The following ZNF454 variants were observed in gnomAD, a reference collection of about 807,000 sequenced individuals.
ZNF454 encodes zinc finger protein 454.
Under a neutral mutation model 48.2 loss-of-function variants are expected in ZNF454, and 30 were observed. The observed-to-expected ratio is 0.62, with a 90% confidence interval of 0.47 to 0.84. The LOEUF is 0.84. Among genes scored for constraint, ZNF454 ranks in the 40% least tolerant of loss-of-function variants. ZNF454 has a pLI of 0.00. For synonymous variants in ZNF454, 204 were observed against 211.4 expected, an observed-to-expected ratio of 0.97 and a Z score of 0.30; for missense variants, 510 against 623.1, an observed-to-expected ratio of 0.82 and a Z score of 1.93.
chr5:178,986,655 G>A, the ZNF454 span: 108 of 1,602,518 alleles, frequency 6.7e-5, 1 homozygote, highest in Middle Eastern at 1.5e-3. Flanking sequence ...AGCAGGGGAC[G>A]CCCTTCACCA....
the ZNF454 span, among the ~76,000 whole-genome samples, chr5:178,985,007 T>C: frequency 6.6e-6 from 1 of 152,084 alleles, no homozygotes; most frequent in African/African-American, 2.4e-5. Context: ...AAGGCTGTAA[T>C]AACTTTACTG....
chr5:178,969,010 C>A, downstream of ZNF454: 1 of 384,122 alleles, frequency 2.6e-6, no homozygotes, highest in Middle Eastern at 9.1e-4. Flanking sequence ...CTCCGAGATG[C>A]CTGTTCACTC....
intron 4 of ZNF454, among the ~76,000 whole-genome samples, chr5:178,954,534 G>A (rs1759678079): frequency 6.6e-6 from 1 of 152,054 alleles, no homozygotes; most frequent in Admixed American, 6.5e-5. Flanking sequence ...CTTCTACTGA[G>A]ATTTTAAAAA....
the ZNF454 span, chr5:178,985,715 CAAA>C: frequency 2.6e-6 from 1 of 378,184 alleles, no homozygotes; most frequent in African/African-American, 2.3e-5. Context: ...AAAAAAAAAA[CAAA>C]ACAACACAGG....
At chr5:178,983,200 G>A in the ZNF454 span, 2 of 1,612,354 alleles carry the variant, frequency 1.2e-6, no homozygotes, top group Non-Finnish European at 1.7e-6. Flanking sequence ...CGGGCCCCCA[G>A]CCATGCTATC....
Position 178,958,068 on chromosome 5 carries a change from C to A in ZNF454, c.251-6587C>A, listed in dbSNP as rs867219270. Among the ~76,000 whole-genome samples, 6 of 152,018 alleles carry A rather than the reference C, an allele frequency of 3.9e-5. No individual in the cohort carries two copies. In the Middle Eastern group the frequency reaches 0.014, roughly 347 times the overall value. On this transcript the variant is annotated intron_variant, in intron 4 of 4. Coordinates refer to ENST00000519564, the MANE Select transcript of ZNF454 (RefSeq NM_001178089.3). ...TGGTGTTTTTATTATTTTTGAAAGC[C>A]GTCCCCTAGATTTTTTAAAGCAAAC...
chr5:178,976,349 C>T, the ZNF454 span, among the ~76,000 whole-genome samples: 3 of 152,136 alleles, frequency 2.0e-5, no homozygotes, highest in African/African-American at 4.8e-5. Flanking sequence ...GGGTGCAAGT[C>T]CTATGAGGGA....
the ZNF454 span, chr5:178,985,484 A>G: frequency 5.8e-6 from 2 of 342,798 alleles, no homozygotes; most frequent in Admixed American, 4.0e-5. Context: ...TGGGCGGATC[A>G]CGAGGTCAGG....
At chr5:178,971,464 G>A in the ZNF454 span, among the ~76,000 whole-genome samples, 737 of 152,208 alleles carry the variant, frequency 4.8e-3, 3 homozygotes, top group Middle Eastern at 0.01. Context: ...TGTTGCTTCT[G>A]GGGTGTGTGG....
chr5:178,989,058 T>C, the ZNF454 span: 1 of 1,614,010 alleles, frequency 6.2e-7, no homozygotes. Context: ...GCGTGGGCAA[T>C]GGCGTACACC....
At chr5:178,960,360 C>A (rs1017428336) in intron 4 of ZNF454, among the ~76,000 whole-genome samples, 1 of 151,582 alleles carries the variant, frequency 6.6e-6, no homozygotes, top group East Asian at 2.0e-4. Context: ...CCGGTTCAAG[C>A]GATTCTCCTG....
At position 178,946,944 on chromosome 5, in the gene ZNF454, G is replaced by A; in HGVS notation, c.208G>A (p.Glu70Lys). ...TACGTTTTCCCAGCTAGAAAAAAGG[G>A]AAGTGTGGATGCCAGAGGACACCCC... ...PDTFSQLEKREVWMPEDTPGG... is the reference protein window; with the variant it reads ...PDTFSQLEKRKVWMPEDTPGG... The change falls in exon 4 of 5, where the codon GAA (glutamate) becomes AAA (lysine). Residue 70 changes from glutamate (E) to lysine (K), a missense_variant. Transcript: ENST00000519564. The surrounding 1 kb of genome is among the most constrained non-coding windows in gnomAD (Gnocchi z 4.5). 6.2e-7 allele frequency: 1 copy of A among 1,614,092 alleles called. No homozygotes were observed. The highest frequency in any genetic ancestry group is 1.3e-5 in the African/African-American group (1 of 75,022).
At chr5:178,959,780 T>C (rs1198891784) in intron 4 of ZNF454, among the ~76,000 whole-genome samples, 1 of 151,570 alleles carries the variant, frequency 6.6e-6, no homozygotes, top group East Asian at 2.0e-4. Context: ...TAATTTTTTG[T>C]ATTTTTAGTA....
chr5:178,983,503 T>C, the ZNF454 span: 2 of 635,586 alleles, frequency 3.1e-6, no homozygotes, highest in East Asian at 3.2e-5. Flanking sequence ...GCAGTGTGCA[T>C]AAGGGGCAGC....
At chr5:178,959,564 ATTGAGAAT>A (rs1394265288) in intron 4 of ZNF454, among the ~76,000 whole-genome samples, 2 of 152,142 alleles carry the variant, frequency 1.3e-5, no homozygotes, top group Non-Finnish European at 2.9e-5. Context: ...ATGGGGGACA[ATTGAGAAT>A]TTGAGGTCAA....
chr5:178,984,196 T>C, the ZNF454 span, among the ~76,000 whole-genome samples: 1 of 151,224 alleles, frequency 6.6e-6, no homozygotes, highest in Non-Finnish European at 1.5e-5. Flanking sequence ...AAAAAGTTGC[T>C]CATGAGAAAC....
chr5:178,987,416 C>CACTG, the ZNF454 span: 1 of 459,174 alleles, frequency 2.2e-6, no homozygotes, highest in South Asian at 1.5e-5. Flanking sequence ...CCCGAGCGTC[C>CACTG]ACTGACAGAA....
the ZNF454 span, chr5:178,985,361 A>T: frequency 2.4e-6 from 1 of 413,018 alleles, no homozygotes; most frequent in Non-Finnish European, 4.8e-6. Flanking sequence ...GCCCTAACTG[A>T]GCTGCTGTCA....
chr5:178,985,286 T>C, the ZNF454 span: 1 of 456,518 alleles, frequency 2.2e-6, no homozygotes, highest in Non-Finnish European at 4.4e-6. Context: ...GAAAGATCTC[T>C]GGAGGCCCAC....
Sources: gnomAD v4.1 joint callset for allele counts (sites outside exome capture counted in the v4.1 genomes callset) on GRCh38, gnomAD v4.1.1 for gene constraint, Gnocchi (gnomAD v3.1) non-coding constraint, MANE v1.5 for transcripts, NCBI Gene and HGNC (gene_info 2026-07-23, HGNC 2026-07-21) for gene names.